The following CARHSP1 variants were observed in gnomAD, a reference collection of about 807,000 sequenced individuals.
CARHSP1 encodes the protein calcium-regulated heat-stable protein 1.
Under a neutral mutation model 12.5 loss-of-function variants are expected in CARHSP1, and 14 were observed. The observed-to-expected ratio is 1.12, with a 90% CI of 0.74 to 1.75. The LOEUF (loss-of-function observed/expected upper bound fraction) is 1.75, where lower values mean the gene tolerates loss of function less well. Among genes scored for constraint, CARHSP1 ranks in the 40% most tolerant of loss-of-function variants. The pLI is 0.00. For missense variants in CARHSP1, 343 were observed against 201.6 expected, an observed-to-expected ratio of 1.70 and a Z score of -4.25; for synonymous variants, 161 against 82.0, an observed-to-expected ratio of 1.96 and a Z score of -5.20.
At chr16:8,859,396 C>T in intron 1 of CARHSP1, 61 bp from the exon 2 acceptor site, 2 of 1,461,410 alleles carry the variant, frequency 1.4e-6, no homozygotes, top group Non-Finnish European at 1.9e-6. Context: ...CTGTGCTTAC[C>T]CCCATGTCCA....
rs2061000012 is a variant in CARHSP1 at position 8,853,420 on chromosome 16, A to AATAAC, written c.*1743_*1744insGTTAT. ...GTACAAGGAGCATCGCAGGCGAGGA[A>AATAAC]ACAATGGCCAGGACCTAACTGTGGT... On this transcript the variant is annotated 3_prime_UTR_variant, in exon 4 of 4. Coordinates refer to ENST00000311052, the MANE Select transcript of CARHSP1 (RefSeq NM_014316.4). 6.6e-6 allele frequency: 1 copy of AATAAC among 151,862 alleles called. No homozygotes were observed. Among genetic ancestry groups the AATAAC allele is most frequent in the Non-Finnish European group, 1.5e-5 (1 of 68,018 alleles). The allele number at this position is 151,862 out of a possible 1,614,324, so 9.4% of individuals were successfully genotyped here.
intron 2 of CARHSP1, chr16:8,858,811 T>G (rs913973351): frequency 3.9e-5 from 16 of 410,790 alleles, no homozygotes; most frequent in African/African-American, 3.0e-4. Flanking sequence ...GAGACCTGCA[T>G]CTGCCAGGCA....
At chr16:8,860,687 A>C (rs1363348147) in intron 1 of CARHSP1, among the ~76,000 whole-genome samples, 3 of 152,076 alleles carry the variant, frequency 2.0e-5, no homozygotes, top group Admixed American at 2.0e-4. Flanking sequence ...ACTCAACACC[A>C]CACAGCCGGG....
chr16:8,867,699 G>A (rs2061474205), intron 1 of CARHSP1: 1 of 152,436 alleles, frequency 6.6e-6, no homozygotes, highest in Non-Finnish European at 1.5e-5. Flanking sequence ...CCAGCATCGA[G>A]AACTCACGGT....
chr16:8,855,181 G>A lies in CARHSP1; in HGVS notation c.427C>T (p.His143Tyr), dbSNP rs751172768. ...ACCATCTCCTAGGAGCTGATGACAT[G>A]TCCAGACCAGGTCTCATGCTTGGTG... ...PGTKHETWSG[H>Y]VISS Residue 143 changes from histidine to tyrosine, a missense_variant, in exon 4 of 4, where the codon CAT becomes TAT. Coordinates refer to ENST00000311052, the MANE Select transcript of CARHSP1 (RefSeq NM_014316.4). 1.9e-6 allele frequency: 3 copies of A among 1,606,278 alleles called. No individual in the cohort carries two copies. In the South Asian group the frequency reaches 3.3e-5, roughly 18 times the overall value.
chr16:8,859,010 G>C (rs1596533349), intron 2 of CARHSP1, 161 bp downstream of exon 2: 1 of 598,254 alleles, frequency 1.7e-6, no homozygotes, highest in Non-Finnish European at 2.8e-6. Flanking sequence ...AATTTACAAG[G>C]CGCCTTCCTA....
chr16:8,865,700 C>G (rs966319212), intron 1 of CARHSP1, among the ~76,000 whole-genome samples: 1 of 152,218 alleles, frequency 6.6e-6, no homozygotes, highest in African/African-American at 2.4e-5. Flanking sequence ...CTTTCATACA[C>G]CCTACAGCCA....
intron 3 of CARHSP1, among the ~76,000 whole-genome samples, chr16:8,856,817 TA>T (rs1235592037): frequency 7.0e-6 from 1 of 142,848 alleles, no homozygotes; most frequent in Non-Finnish European, 1.6e-5. Flanking sequence ...CTCCCCTGTC[TA>T]AAGGCTGCCC....
At chr16:8,866,311 A>C (rs2061453898) in intron 1 of CARHSP1, 1 of 435,288 alleles carries the variant, frequency 2.3e-6, no homozygotes, top group African/African-American at 2.2e-5. Flanking sequence ...GGAACACGGC[A>C]GTAGCCGGGC....
At chr16:8,857,271 T>TTTTG (rs1596526875) in intron 3 of CARHSP1, among the ~76,000 whole-genome samples, 1 of 26,184 alleles carries the variant, frequency 3.8e-5, no homozygotes, top group East Asian at 1.1e-3. Context: ...CTGTTTTTTT[T>TTTTG]TTTTTTTTTT....
intron 1 of CARHSP1, chr16:8,861,518 G>T: frequency 9.9e-7 from 1 of 1,011,438 alleles, no homozygotes; most frequent in Non-Finnish European, 1.3e-6. Flanking sequence ...CAAGAACCAG[G>T]CCCGACTGCT....
chr16:8,855,191 G>C lies in CARHSP1; in HGVS notation c.417C>G (p.Thr139=), dbSNP rs767320978. 6.2e-7 allele frequency: 1 copy of C among 1,611,500 alleles called. No homozygotes were observed. The highest frequency in any genetic ancestry group is 8.5e-7 in the Non-Finnish European group (1 of 1,178,426). The change falls in exon 4 of 4, where the codon ACC becomes ACG. Residue 139 remains threonine (T), a synonymous_variant. Coordinates refer to ENST00000311052, the MANE Select transcript of CARHSP1 (RefSeq NM_014316.4). ...THLAPGTKHE[T]WSGHVISS ...AGGAGCTGATGACATGTCCAGACCA[G>C]GTCTCATGCTTGGTGCCTGGTGCCA...
In CARHSP1 at chr16:8,859,012, G is replaced by A. The variant is rs543969827; in HGVS notation, c.158+159C>T. 641 of 600,692 alleles carry A rather than the reference G, an allele frequency of 1.1e-3. 5 individuals are homozygous for A. The Middle Eastern group carries it at 0.013, about 13-fold the overall frequency. 37.2% of individuals were successfully genotyped at this position (600,692 alleles called of 1,614,324 possible). Reference sequence around the variant, plus strand: ...GGGCAGTACCCTGAATTTACAAGGCGCCTTCCTAGTTTCTCACCCTCAGCC... The same window carrying A: ...GGGCAGTACCCTGAATTTACAAGGCACCTTCCTAGTTTCTCACCCTCAGCC... On this transcript the variant is annotated intron_variant, in intron 2 of 3. Transcript: ENST00000311052.
At chr16:8,858,780 C>T (rs1372708797) in intron 2 of CARHSP1, 1 of 443,366 alleles carries the variant, frequency 2.3e-6, no homozygotes, top group Non-Finnish European at 4.0e-6. Context: ...ATAACACAAG[C>T]ATCCTCCACT....
At position 8,860,076 on chromosome 16, in the gene CARHSP1, A is replaced by C. The variant is rs959836095; in HGVS notation, c.-7-741T>G. On this transcript the variant is annotated intron_variant, in intron 1 of 3. Transcript: ENST00000311052. ...TCCCTGACGCTGCTGGGAGCCAGAC[A>C]CCACAGGGAAGCAGGGGCAAAAACT... is the stretch of plus-strand genomic sequence containing the variant. 1.6e-5 allele frequency: 15 copies of C among 930,340 alleles called. No homozygotes were observed. In the South Asian group the frequency reaches 4.0e-4, roughly 25 times the overall value. 57.6% of individuals were successfully genotyped at this position (930,340 alleles called of 1,614,324 possible). A position where few individuals can be genotyped will look rare whatever the true frequency, so the allele number is the denominator to read the frequency against.
chr16:8,862,056 G>A (rs2061373535), intron 1 of CARHSP1, among the ~76,000 whole-genome samples: 1 of 139,776 alleles, frequency 7.2e-6, no homozygotes, highest in Non-Finnish European at 1.5e-5. Context: ...AGGCTGGAGT[G>A]CAATGGCACA....
intron 3 of CARHSP1, among the ~76,000 whole-genome samples, chr16:8,855,712 G>T (rs373220645): frequency 1.6e-4 from 24 of 152,310 alleles, no homozygotes; most frequent in African/African-American, 4.3e-4. Context: ...GTGAGAATCC[G>T]AGTTGAGGGG....
intron 1 of CARHSP1, among the ~76,000 whole-genome samples, chr16:8,863,875 C>T (rs566860737): frequency 6.6e-6 from 1 of 152,184 alleles, no homozygotes; most frequent in Admixed American, 6.5e-5. Flanking sequence ...CACACAGCAG[C>T]CCCGCCCACC....
At chr16:8,865,434 A>G (rs1306355152) in intron 1 of CARHSP1, among the ~76,000 whole-genome samples, 1 of 152,232 alleles carries the variant, frequency 6.6e-6, no homozygotes, top group Non-Finnish European at 1.5e-5. Context: ...TAATAGCTTC[A>G]GCCCCTTTAT....
Sources: gnomAD v4.1 joint callset for allele counts (sites outside exome capture counted in the v4.1 genomes callset) on GRCh38, gnomAD v4.1.1 for gene constraint, MANE v1.5 for transcripts, NCBI Gene and HGNC (gene_info 2026-07-23, HGNC 2026-07-21) for gene names.